The following CDH9 variants were observed in gnomAD, a reference collection of about 807,000 sequenced individuals.
CDH9 encodes cadherin-9.
In CDH9, 28 loss-of-function variants were observed where a neutral mutation model predicts 70.9. The observed-to-expected ratio is 0.40, with a 90% CI of 0.29 to 0.54. The LOEUF is 0.54. Ranked by LOEUF, CDH9 falls within the 20% of genes least tolerant of loss-of-function variation. CDH9 has a pLI of 0.59. For missense variants in CDH9, 874 were observed against 984.4 expected (o/e 0.89, Z 1.50); for synonymous variants, 409 against 343.1 (o/e 1.19, Z -2.12).
At chr5:26,941,781 T>C (rs1741665913) in intron 2 of CDH9, among the ~76,000 whole-genome samples, 1 of 152,226 alleles carries the variant, frequency 6.6e-6, no homozygotes, top group Non-Finnish European at 1.5e-5. Flanking sequence ...CTTGCTGTTT[T>C]CTCTTGCTTA....
At chr5:27,010,104 A>C (rs1473206004) in intron 1 of CDH9, among the ~76,000 whole-genome samples, 2 of 152,106 alleles carry the variant, frequency 1.3e-5, no homozygotes, top group African/African-American at 4.8e-5. Context: ...CTGTTAACAA[A>C]TTGTTAAATG....
At chr5:26,914,347 A>T (rs1741111757) in intron 3 of CDH9, among the ~76,000 whole-genome samples, 1 of 152,006 alleles carries the variant, frequency 6.6e-6, no homozygotes, top group Non-Finnish European at 1.5e-5. Context: ...CCCATTAAAA[A>T]AAACATGGTA....
intron 2 of CDH9, among the ~76,000 whole-genome samples, chr5:26,977,834 G>A (rs1280498215): frequency 1.3e-5 from 2 of 152,056 alleles, no homozygotes; most frequent in Non-Finnish European, 2.9e-5. Flanking sequence ...ACTGAGAAGA[G>A]TTTAAAATTC....
At chr5:27,021,289 TGA>T (rs1436805154) in intron 1 of CDH9, among the ~76,000 whole-genome samples, 4 of 151,824 alleles carry the variant, frequency 2.6e-5, no homozygotes, top group Non-Finnish European at 5.9e-5. Flanking sequence ...AGTTTGACGT[TGA>T]CTTATTAATG....
At chr5:27,035,675 CGTGTGTGTGTGTGTGTGTGT>C (rs56317555) in intron 1 of CDH9, among the ~76,000 whole-genome samples, 1 of 142,776 alleles carries the variant, frequency 7.0e-6, no homozygotes, top group South Asian at 2.3e-4. Flanking sequence ...TTGCTATTGA[CGTGTGTGTGTGTGTGTGTGT>C]GTGTGTGTGT....
chr5:26,959,245 A>T (rs1262539150), intron 2 of CDH9, among the ~76,000 whole-genome samples: 1 of 152,164 alleles, frequency 6.6e-6, no homozygotes, highest in Non-Finnish European at 1.5e-5. Context: ...GCCAACAAAC[A>T]TATAAAAAAT....
At chr5:26,945,100 T>A (rs1403440750) in intron 2 of CDH9, among the ~76,000 whole-genome samples, 1 of 150,934 alleles carries the variant, frequency 6.6e-6, no homozygotes, top group Non-Finnish European at 1.5e-5. Flanking sequence ...TCTGTTGGTT[T>A]TACATTTTTA....
chr5:26,913,229 T>C (rs998196934), intron 3 of CDH9, among the ~76,000 whole-genome samples: 4 of 152,126 alleles, frequency 2.6e-5, no homozygotes, highest in Non-Finnish European at 4.4e-5. Flanking sequence ...TTTGTATTTA[T>C]TAAAATAGGC....
chr5:26,926,994 A>G (rs10065161), intron 2 of CDH9, among the ~76,000 whole-genome samples: 14,308 of 150,030 alleles, frequency 0.095, 853 homozygotes, highest in East Asian at 0.17. Flanking sequence ...ATATTGACAC[A>G]AAAATCCTCA....
intron 2 of CDH9, among the ~76,000 whole-genome samples, chr5:26,980,906 A>G (rs1742388438): frequency 6.6e-6 from 1 of 152,178 alleles, no homozygotes. Flanking sequence ...GATTTCTAGG[A>G]CTTAAGATAG....
At chr5:26,884,452 C>A (rs1295745887) in intron 11 of CDH9, among the ~76,000 whole-genome samples, 1 of 152,058 alleles carries the variant, frequency 6.6e-6, no homozygotes. Flanking sequence ...AAGGCTAAGC[C>A]AAATTTTTAT....
intron 1 of CDH9, among the ~76,000 whole-genome samples, chr5:27,035,171 G>GTGTATA (rs146487263): frequency 7.0e-6 from 1 of 143,256 alleles, no homozygotes; most frequent in Non-Finnish European, 1.5e-5. Flanking sequence ...TATTGCATAT[G>GTGTATA]TATATATATA....
intron 1 of CDH9, among the ~76,000 whole-genome samples, chr5:27,006,617 G>C (rs1047703146): frequency 6.6e-6 from 1 of 152,114 alleles, no homozygotes. Flanking sequence ...GAGAATTCCT[G>C]CTTTAGTAGC....
At chr5:26,980,178 A>G (rs967103055) in intron 2 of CDH9, among the ~76,000 whole-genome samples, 1 of 151,892 alleles carries the variant, frequency 6.6e-6, no homozygotes, top group African/African-American at 2.4e-5. Context: ...TTGTTATTGG[A>G]AAATATTGAG....
chr5:27,015,357 C>A (rs372436512), intron 1 of CDH9, among the ~76,000 whole-genome samples: 4 of 151,734 alleles, frequency 2.6e-5, no homozygotes, highest in African/African-American at 4.8e-5. Context: ...TGCATCAATG[C>A]TAATTTCTTA....
chr5:26,906,747 C>T lies in CDH9; in HGVS notation c.615G>A (p.Gln205=), dbSNP rs957880224. 1 of 1,613,198 alleles carries T rather than the reference C, an allele frequency of 6.2e-7. No homozygotes were observed. Among genetic ancestry groups the T allele is most frequent in the Non-Finnish European group, 8.5e-7 (1 of 1,179,548 alleles). The change falls in exon 4 of 12, where the codon CAG becomes CAA. Residue 205 remains glutamine, a synonymous_variant. Coordinates refer to ENST00000231021, the MANE Select transcript of CDH9 (RefSeq NM_016279.4). ...ATTCTGGGTCCACTGAAAAATATGG[C>T]TGTCCTTGCAATATGCTATAGACCA... is the stretch of plus-strand genomic sequence containing the variant. ...AKVVYSILQG[Q]PYFSVDPESG...
intron 1 of CDH9, among the ~76,000 whole-genome samples, chr5:27,022,496 T>C (rs951122181): frequency 6.6e-6 from 1 of 152,086 alleles, no homozygotes; most frequent in African/African-American, 2.4e-5. Flanking sequence ...TAAACATATA[T>C]AACGAGTTCA....
At chr5:27,022,271 T>C (rs1743150814) in intron 1 of CDH9, among the ~76,000 whole-genome samples, 1 of 152,010 alleles carries the variant, frequency 6.6e-6, no homozygotes, top group African/African-American at 2.4e-5. Context: ...TTTTCACAAA[T>C]TGAGTTTTTT....
chr5:26,962,393 C>A (rs1045770158), intron 2 of CDH9, among the ~76,000 whole-genome samples: 5 of 152,120 alleles, frequency 3.3e-5, no homozygotes, highest in South Asian at 4.1e-4. Context: ...CTTGAGGAAT[C>A]GCCACAGTCT....
Sources: allele counts gnomAD v4.1 joint callset (sites outside exome capture counted in the v4.1 genomes callset), GRCh38; gene constraint gnomAD v4.1.1; transcripts MANE v1.5; gene names NCBI Gene and HGNC (gene_info 2026-07-23, HGNC 2026-07-21).